Variants in STAU1 observed in about 807,000 individuals in gnomAD.
The protein encoded by STAU1 is double-stranded RNA-binding protein Staufen homolog 1.
Under a neutral mutation model 62.9 loss-of-function variants are expected in STAU1, and 13 were observed. The ratio of observed to expected loss-of-function variants is 0.21; its 90% CI spans 0.13 to 0.33. The LOEUF is 0.33. STAU1 is among the 10% of genes least tolerant of loss of function. STAU1 has a pLI of 1.00. For missense variants in STAU1, 571 were observed against 712.1 expected, an observed-to-expected ratio of 0.80 and a Z score of 2.25; for synonymous variants, 269 against 265.1, an observed-to-expected ratio of 1.01 and a Z score of -0.14.
intron 5 of STAU1, among the ~76,000 whole-genome samples, chr20:49,145,721 TC>T (rs1283037641): frequency 6.7e-6 from 1 of 149,642 alleles, no homozygotes; most frequent in Non-Finnish European, 1.5e-5. Context: ...AGAGCGAGAC[TC>T]CGTCTTAAAA....
chr20:49,171,117 A>T (rs2093591432), intron 2 of STAU1, among the ~76,000 whole-genome samples: 1 of 152,238 alleles, frequency 6.6e-6, no homozygotes, highest in African/African-American at 2.4e-5. Context: ...ATCTTTCAGC[A>T]ATCACATGTA....
chr20:49,154,949 G>A (rs1006576369), intron 3 of STAU1, among the ~76,000 whole-genome samples: 2 of 152,156 alleles, frequency 1.3e-5, no homozygotes, highest in Non-Finnish European at 2.9e-5. Flanking sequence ...AGCCAGGCAT[G>A]GTGGCGCATG....
chr20:49,159,040 CA>C, intron 3 of STAU1: 2 of 1,270,034 alleles, frequency 1.6e-6, no homozygotes, highest in African/African-American at 1.6e-5. Context: ...AGCATGAACT[CA>C]AAACCCTGGC....
At chr20:49,189,654 T>C (rs2146669998), upstream of STAU1, among the ~76,000 whole-genome samples, 1 of 148,984 alleles carries the variant, frequency 6.7e-6, no homozygotes, top group East Asian at 2.0e-4. Flanking sequence ...AATCTTGAAC[T>C]TCTGCACACT....
Position 49,135,916 on chromosome 20 carries a change from A to T in STAU1, c.526T>A (p.Ser176Thr). 1 of 1,613,000 alleles carries T rather than the reference A, an allele frequency of 6.2e-7. No individual in the cohort carries two copies. The highest frequency in any genetic ancestry group is 8.5e-7 in the Non-Finnish European group (1 of 1,179,322). The change falls in exon 6 of 14, where the codon TCC becomes ACC. Residue 176 changes from serine to threonine, a missense_variant. This residue lies in a region of STAU1 where 414 missense variants were observed against 499.6 expected (regional missense o/e 0.83). Transcript: ENST00000371856. The part of the protein sequence containing the change: ...PERLEVNGRE[S>T]EEENLNKSEI... ...GATTTATTGAGATTTTCTTCTTCGG[A>T]TTCTCTTCCATTCACCTGTAAGAAT...
chr20:49,116,048 A>G (rs956625533), intron 12 of STAU1, among the ~76,000 whole-genome samples, 181 bp from the exon 13 acceptor site: 6 of 152,274 alleles, frequency 3.9e-5, no homozygotes, highest in Non-Finnish European at 7.3e-5. Context: ...AAAAATATTC[A>G]GTTACCTCAC....
chr20:49,147,860 G>A (rs985157878), intron 5 of STAU1, among the ~76,000 whole-genome samples: 5 of 152,122 alleles, frequency 3.3e-5, no homozygotes, highest in Admixed American at 1.3e-4. Context: ...AAAAAAGGTG[G>A]TTACTGTACA....
chr20:49,155,860 CAAGA>C (rs1281178292), intron 3 of STAU1, among the ~76,000 whole-genome samples: 1 of 152,130 alleles, frequency 6.6e-6, no homozygotes, highest in African/African-American at 2.4e-5. Flanking sequence ...TCAAAAGTAA[CAAGA>C]AAGATGTGAC....
chr20:49,155,095 AAAAG>A (rs1158448469), intron 3 of STAU1, among the ~76,000 whole-genome samples: 1 of 152,128 alleles, frequency 6.6e-6, no homozygotes, highest in Non-Finnish European at 1.5e-5. Context: ...TTAAAAAAAA[AAAAG>A]AAACACAATT....
intron 5 of STAU1, among the ~76,000 whole-genome samples, chr20:49,142,253 A>G (rs1466057359): frequency 1.3e-5 from 2 of 151,774 alleles, no homozygotes; most frequent in African/African-American, 4.8e-5. Flanking sequence ...TGCCTGGCTA[A>G]TTTTTTGTAT....
the STAU1 span, among the ~76,000 whole-genome samples, chr20:49,197,160 A>C: frequency 3.2e-4 from 49 of 151,888 alleles, no homozygotes; most frequent in Non-Finnish European, 5.3e-4. Flanking sequence ...GTCTCCAAAA[A>C]ATAAAATAAA....
At chr20:49,122,989 G>A in intron 8 of STAU1, 103 bp downstream of exon 8, 2 of 1,265,830 alleles carry the variant, frequency 1.6e-6, no homozygotes, top group Non-Finnish European at 2.1e-6. Flanking sequence ...ATGGCCCACA[G>A]GATCCAGCCT....
At chr20:49,132,638 A>C (rs758213341) in intron 6 of STAU1, among the ~76,000 whole-genome samples, 2 of 152,128 alleles carry the variant, frequency 1.3e-5, no homozygotes, top group South Asian at 2.1e-4. Flanking sequence ...GTGCACCTGT[A>C]ATCCCAGCTA....
chr20:49,192,257 A>G (rs2093832231), upstream of STAU1, among the ~76,000 whole-genome samples: 1 of 151,558 alleles, frequency 6.6e-6, no homozygotes, highest in South Asian at 2.1e-4. Flanking sequence ...GAGGCAGGAG[A>G]ATGGCGTGAA....
intron 1 of STAU1, among the ~76,000 whole-genome samples, chr20:49,182,609 T>C (rs1009567044): frequency 5.3e-5 from 8 of 152,172 alleles, no homozygotes; most frequent in Middle Eastern, 3.4e-3. Flanking sequence ...GAGGCCGAGG[T>C]GGGCGGATCA....
intron 5 of STAU1, among the ~76,000 whole-genome samples, chr20:49,147,297 C>T (rs939905254): frequency 5.9e-5 from 9 of 152,312 alleles, no homozygotes; most frequent in South Asian, 2.1e-4. Context: ...AAAGGGATGG[C>T]GCTGACTGTT....
At chr20:49,176,825 T>C (rs1050559270) in intron 1 of STAU1, among the ~76,000 whole-genome samples, 13 of 152,088 alleles carry the variant, frequency 8.5e-5, no homozygotes, top group African/African-American at 3.1e-4. Context: ...AAGTTTTCTA[T>C]GTTGAACAAT....
rs1171534142 is a variant in STAU1 at position 49,125,198 on chromosome 20, C to CA, written c.610-612dup. On this transcript the variant is annotated intron_variant, in intron 6 of 13. Coordinates refer to ENST00000371856, the MANE Select transcript of STAU1 (RefSeq NM_017453.4). ...ACACACATTTATAAGCTCATTTTTG[C>CA]AAAAAAAAAAAAAAAAAAAAAAAAA... Among the ~76,000 whole-genome samples, 151 of 33,734 alleles carry CA rather than the reference C, an allele frequency of 4.5e-3. 13 individuals carry two copies. The highest frequency in any genetic ancestry group is 8.7e-3 in the South Asian group (5 of 576). The allele number at this position is 33,734 out of a possible 152,430, so 22.1% of individuals were successfully genotyped here.
the STAU1 span, among the ~76,000 whole-genome samples, chr20:49,205,880 G>A: frequency 2.0e-5 from 3 of 150,220 alleles, no homozygotes; most frequent in Admixed American, 1.3e-4. Flanking sequence ...CTCCATGTTG[G>A]TCAGGCTGGT....
Sources: gnomAD v4.1 joint callset for allele counts (sites outside exome capture counted in the v4.1 genomes callset) on GRCh38, gnomAD v4.1.1 for gene constraint, gnomAD v4.1.1 regional missense constraint, MANE v1.5 for transcripts, NCBI Gene and HGNC (gene_info 2026-07-23, HGNC 2026-07-21) for gene names.